Variants in GARNL3 observed in about 807,000 individuals in gnomAD.
The protein encoded by GARNL3 is GTPase activating Rap/RanGAP domain like 3.
A neutral mutation model predicts 125.0 loss-of-function variants in GARNL3; 63 were observed. The ratio of observed to expected loss-of-function variants is 0.50; its 90% CI spans 0.41 to 0.62. GARNL3 has a LOEUF of 0.62. GARNL3 is among the 20% of genes least tolerant of loss of function. The pLI, the probability that GARNL3 is intolerant of heterozygous loss-of-function variation, is 0.00. For synonymous variants in GARNL3, 439 were observed against 457.5 expected (o/e 0.96, Z 0.52); for missense variants, 994 against 1,244.0 (o/e 0.80, Z 3.02).
At chr9:127,370,029 TTC>T (rs1564187736) in intron 22 of GARNL3, among the ~76,000 whole-genome samples, 1 of 152,186 alleles carries the variant, frequency 6.6e-6, no homozygotes. Flanking sequence ...GGAGCATTTG[TTC>T]TCTCGGGAAG....
chr9:127,237,064 G>C (rs1304526325), intron 1 of GARNL3, among the ~76,000 whole-genome samples: 2 of 152,226 alleles, frequency 1.3e-5, no homozygotes, highest in Non-Finnish European at 2.9e-5. Context: ...TACTGATCCA[G>C]GGAATTAAGT....
At chr9:127,318,196 T>C in intron 5 of GARNL3, 69 bp downstream of exon 5, 1 of 928,540 alleles carries the variant, frequency 1.1e-6, no homozygotes, top group East Asian at 2.4e-5. Context: ...TTGCCTGTGA[T>C]CATTCTGATG....
intron 17 of GARNL3, among the ~76,000 whole-genome samples, chr9:127,352,673 A>G (rs1458323583): frequency 6.6e-6 from 1 of 152,118 alleles, no homozygotes; most frequent in Non-Finnish European, 1.5e-5. Context: ...CTGTGTTCTG[A>G]CAAATCTGAG....
intron 2 of GARNL3, among the ~76,000 whole-genome samples, chr9:127,243,612 A>C (rs1053171224): frequency 6.6e-6 from 1 of 152,232 alleles, no homozygotes; most frequent in Non-Finnish European, 1.5e-5. Context: ...ATAAACATTT[A>C]CAGAATGCCT....
chr9:127,330,097 G>C (rs1829139778), intron 7 of GARNL3, among the ~76,000 whole-genome samples: 1 of 152,212 alleles, frequency 6.6e-6, no homozygotes, highest in African/African-American at 2.4e-5. Context: ...CAAACCTGCT[G>C]AATTGAAAAC....
Position 127,325,095 on chromosome 9 carries a change from GGTGA to G in GARNL3, c.594+3_594+6del. ...ACTTGCTGGTTCTTGAAGAACAAGA[GGTGA>G]GTAATTCTATGGAGATATTTGCACC... On this transcript the variant is annotated splice_donor_variant and splice_donor_region_variant and intron_variant, in intron 7 of 27. Coordinates refer to ENST00000373387, the MANE Select transcript of GARNL3 (RefSeq NM_032293.5). LOFTEE classifies it high-confidence loss of function. 2.5e-6 allele frequency: 4 copies of G among 1,613,334 alleles called. No individual in the cohort carries two copies. Among genetic ancestry groups the G allele is most frequent in the Non-Finnish European group, 3.4e-6 (4 of 1,179,330 alleles).
intron 2 of GARNL3, among the ~76,000 whole-genome samples, chr9:127,304,530 CTTTTTTTTTTT>C (rs61493807): frequency 9.1e-5 from 9 of 99,258 alleles, no homozygotes; most frequent in South Asian, 4.2e-4. Context: ...TGGCTTTATT[CTTTTTTTTTTT>C]TTTTTTTTTT....
chr9:127,258,097 G>A (rs751230169), intron 2 of GARNL3, among the ~76,000 whole-genome samples: 3 of 152,104 alleles, frequency 2.0e-5, no homozygotes, highest in Non-Finnish European at 2.9e-5. Context: ...AAATCCAGGA[G>A]TATCTAACCA....
At chr9:127,241,413 G>C (rs956924728) in intron 1 of GARNL3, among the ~76,000 whole-genome samples, 1 of 152,010 alleles carries the variant, frequency 6.6e-6, no homozygotes, top group African/African-American at 2.4e-5. Context: ...AAGACTCAGG[G>C]CTCCTTTGGG....
At chr9:127,370,337 TA>T (rs1279207422) in intron 22 of GARNL3, among the ~76,000 whole-genome samples, 1 of 152,086 alleles carries the variant, frequency 6.6e-6, no homozygotes, top group Non-Finnish European at 1.5e-5. Flanking sequence ...ATCAGGAGTT[TA>T]AAAAAAGAAC....
intron 1 of GARNL3, among the ~76,000 whole-genome samples, chr9:127,239,869 T>C (rs958358915): frequency 6.6e-6 from 1 of 152,000 alleles, no homozygotes; most frequent in African/African-American, 2.4e-5. Flanking sequence ...GCCAAAAAGA[T>C]AAAATTAAAT....
At position 127,270,935 on chromosome 9, in the gene GARNL3, C is replaced by T. The variant is rs2063809317; in HGVS notation, c.144+5914C>T. On this transcript the variant is annotated intron_variant, in intron 1 of 27. Transcript: ENST00000373387. The stretch of plus-strand genomic sequence containing the variant: ...CTAATTTCAAATTCCAAATAGAATA[C>T]TATGGATTGTTTCCTCTTTGTTCAG... 1.4e-5 allele frequency among the ~76,000 whole-genome samples: 2 copies of T among 140,894 alleles called. 1 individual carries two copies. The highest frequency in any genetic ancestry group is 6.5e-5 in the African/African-American group (2 of 30,834). 92.4% of individuals were successfully genotyped at this position (140,894 alleles called of 152,430 possible).
At chr9:127,240,737 A>G (rs561884756) in intron 1 of GARNL3, among the ~76,000 whole-genome samples, 9 of 152,156 alleles carry the variant, frequency 5.9e-5, no homozygotes, top group Non-Finnish European at 1.0e-4. Context: ...ACCCATGTCT[A>G]TACAAATAAT....
rs1832972479 is a variant in GARNL3, at chr9:127,393,372, C to G, written c.*118C>G. Reference sequence around the variant, plus strand: ...TTTAGCCTGTCAGTGATCTATTGGACCAAACCTTCTGCACACTCGGCCAGT... The same window carrying G: ...TTTAGCCTGTCAGTGATCTATTGGAGCAAACCTTCTGCACACTCGGCCAGT... On this transcript the variant is annotated 3_prime_UTR_variant, in exon 28 of 28. Transcript: ENST00000373387. 1 of 883,020 alleles carries G rather than the reference C, an allele frequency of 1.1e-6. No homozygotes were observed. Among genetic ancestry groups the G allele is most frequent in the African/African-American group, 1.7e-5 (1 of 60,294 alleles). 54.7% of individuals were successfully genotyped at this position (883,020 alleles called of 1,614,324 possible).
At chr9:127,257,230 T>A (rs2063509648) in intron 2 of GARNL3, among the ~76,000 whole-genome samples, 1 of 152,250 alleles carries the variant, frequency 6.6e-6, no homozygotes, top group Non-Finnish European at 1.5e-5. Flanking sequence ...AAAGCTGTTT[T>A]GAACATTTTT....
At chr9:127,312,490 A>G (rs1365150682) in intron 3 of GARNL3, among the ~76,000 whole-genome samples, 2 of 152,250 alleles carry the variant, frequency 1.3e-5, no homozygotes, top group Admixed American at 6.5e-5. Context: ...AGCTATGTAC[A>G]TTTAAAGTGA....
At chr9:127,297,040 C>A (rs2064620697) in intron 2 of GARNL3, among the ~76,000 whole-genome samples, 1 of 152,188 alleles carries the variant, frequency 6.6e-6, no homozygotes, top group Non-Finnish European at 1.5e-5. Flanking sequence ...TCCCATTATA[C>A]CACACCCCTA....
At chr9:127,277,135 G>A (rs1419041828) in intron 1 of GARNL3, among the ~76,000 whole-genome samples, 2 of 152,154 alleles carry the variant, frequency 1.3e-5, no homozygotes, top group African/African-American at 2.4e-5. Context: ...TTTAAAACCC[G>A]TGTTCTGATT....
chr9:127,348,149 G>C (rs1467720228), intron 16 of GARNL3, among the ~76,000 whole-genome samples: 3 of 152,158 alleles, frequency 2.0e-5, no homozygotes. Flanking sequence ...TTGGGCCTGA[G>C]AATCTCCACA....
Sources: gnomAD v4.1 joint callset for allele counts (sites outside exome capture counted in the v4.1 genomes callset) on GRCh38, gnomAD v4.1.1 for gene constraint, MANE v1.5 for transcripts, NCBI Gene and HGNC (gene_info 2026-07-23, HGNC 2026-07-21) for gene names.